CCNA1: variants seen among roughly 807,000 people sequenced by gnomAD.
The protein encoded by CCNA1 is cyclin A1.
A neutral mutation model predicts 54.1 loss-of-function variants in CCNA1; 23 were observed. The ratio of observed to expected loss-of-function variants is 0.42; its 90% CI spans 0.31 to 0.60. The LOEUF is 0.60. CCNA1 is among the 20% of genes least tolerant of loss of function. The pLI, the probability that CCNA1 is intolerant of heterozygous loss-of-function variation, is 0.14. For missense variants in CCNA1, 450 were observed against 556.7 expected (o/e 0.81, Z 1.93); for synonymous variants, 208 against 213.9 (o/e 0.97, Z 0.24).
In CCNA1 at chr13:36,433,193, A is replaced by G. The variant is rs2055738576; in HGVS notation, c.269A>G (p.Asn90Ser). Residue 90 changes from asparagine (N) to serine (S), a missense_variant, in exon 2 of 9, where the codon AAT (asparagine) becomes AGT (serine). Transcript: ENST00000255465. The stretch of plus-strand genomic sequence containing the variant: ...ACAGTGCTAGGGCTGCTAACTGCAA[A>G]TGGGCAGTACAGGAGGACCTGTGGC... 1.2e-6 allele frequency: 2 copies of G among 1,613,770 alleles called. No homozygotes were observed. Among genetic ancestry groups the G allele is most frequent in the African/African-American group, 1.3e-5 (1 of 74,926 alleles).
chr13:36,438,093 C>G lies in CCNA1; in HGVS notation c.571C>G (p.Leu191Val), dbSNP rs992957639. ...TTCCCCTATGCTGGTAGATTCATCT[C>G]TCCTCTCCCAGTCTGAAGATATATC... Residue 191 changes from leucine (L) to valine (V), a missense_variant, in exon 4 of 9, where the codon CTC becomes GTC. By Grantham distance (32) the Leu-to-Val change is conservative (BLOSUM62 1). Coordinates refer to ENST00000255465, the MANE Select transcript of CCNA1 (RefSeq NM_003914.4). 24 of 1,613,096 alleles carry G rather than the reference C, an allele frequency of 1.5e-5. No homozygotes were observed. Among genetic ancestry groups the G allele is most frequent in the African/African-American group, 9.3e-5 (7 of 74,902 alleles).
At chr13:36,432,770 A>C (rs1593318440) in intron 1 of CCNA1, 41 bp downstream of exon 1, 1 of 1,299,240 alleles carries the variant, frequency 7.7e-7, no homozygotes, top group Non-Finnish European at 1.1e-6. Flanking sequence ...GCTTGTCAGA[A>C]TGTTTCTCTC....
intron 2 of CCNA1, among the ~76,000 whole-genome samples, chr13:36,434,482 A>G (rs954579524): frequency 1.3e-5 from 2 of 152,180 alleles, no homozygotes; most frequent in African/African-American, 4.8e-5. Flanking sequence ...TTTAAAACTT[A>G]ACGCCTGAGA....
At chr13:36,442,360 A>G (rs2055886066) in intron 8 of CCNA1, 56 bp downstream of exon 8, 1 of 1,555,874 alleles carries the variant, frequency 6.4e-7, no homozygotes, top group Non-Finnish European at 8.8e-7. Flanking sequence ...AATGGGTTAT[A>G]GTAATGGTTA....
Position 36,439,999 on chromosome 13 carries a change from C to T in CCNA1, c.914C>T (p.Pro305Leu), listed in dbSNP as rs755444964. 1.2e-6 allele frequency: 2 copies of T among 1,610,744 alleles called. No individual in the cohort carries two copies. The highest frequency in any genetic ancestry group is 4.5e-5 in the East Asian group (2 of 44,872). The change falls in exon 6 of 9, where the codon CCT (proline) becomes CTT (leucine). Residue 305 changes from proline (P) to leucine (L), a missense_variant. Around this residue, in one of 6 missense-constraint regions of CCNA1, gnomAD observed 150 missense variants for 219.7 expected, o/e 0.68. Transcript: ENST00000255465. Reference sequence around the variant, plus strand: ...CCCAGGAAATATGAAGAGATATATCCTCCTGAAGTAGACGAGTTTGTCTAT... The same window carrying T: ...CCCAGGAAATATGAAGAGATATATCTTCCTGAAGTAGACGAGTTTGTCTAT...
chr13:36,440,186 G>A lies in CCNA1; in HGVS notation c.1098+3G>A. On this transcript the variant is annotated splice_donor_region_variant and intron_variant, in intron 6 of 8. Transcript: ENST00000255465. ...TCAGGACTGAGAACCTGGCTAAGGT[G>A]TGTATGCCGCGTGATTTCTAGGAAC... 6.2e-7 allele frequency: 1 copy of A among 1,612,890 alleles called. No homozygotes were observed. The highest frequency in any genetic ancestry group is 8.5e-7 in the Non-Finnish European group (1 of 1,179,020).
chr13:36,433,364 G>T (rs9576049), intron 2 of CCNA1, 143 bp downstream of exon 2: 239,172 of 372,822 alleles, frequency 0.64, 81,982 homozygotes, highest in East Asian at 0.92. Context: ...AAAGTTGATT[G>T]ATTTATTTTC....
rs890130631 is a variant in CCNA1 at position 36,442,166 on chromosome 13, A to G, written c.1213-5A>G. 13 of 1,607,408 alleles carry G rather than the reference A, an allele frequency of 8.1e-6. No individual in the cohort carries two copies. The highest frequency in any genetic ancestry group is 1.0e-5 in the Non-Finnish European group (12 of 1,176,102). ...GAAGCAATTTTTTTCTTTTGTCTTGATTAGCCAGAAACCCTTGCTGCATTT... is the reference window on the plus strand; with the variant it reads ...GAAGCAATTTTTTTCTTTTGTCTTGGTTAGCCAGAAACCCTTGCTGCATTT... On this transcript the variant is annotated splice_region_variant and splice_polypyrimidine_tract_variant and intron_variant, in intron 7 of 8. Coordinates refer to ENST00000255465, the MANE Select transcript of CCNA1 (RefSeq NM_003914.4).
chr13:36,438,550 A>T lies in CCNA1; in HGVS notation c.670-94A>T. Reference sequence around the variant, plus strand: ...TTTGGCTCTGATCAGAATCTTTCCAACCTTTGCTTGTGAGATTTTTAAATA... The same window carrying T: ...TTTGGCTCTGATCAGAATCTTTCCATCCTTTGCTTGTGAGATTTTTAAATA... On this transcript the variant is annotated intron_variant, in intron 4 of 8. Transcript: ENST00000255465. The T allele has an allele frequency of 5.8e-6, 5 of 866,918 alleles. No homozygotes were observed. The South Asian group carries it at 6.6e-5, about 11-fold the overall frequency. The allele number at this position is 866,918 out of a possible 1,614,324, so 53.7% of individuals were successfully genotyped here. A position where few individuals can be genotyped will look rare whatever the true frequency, so the allele number is the denominator to read the frequency against.
intron 2 of CCNA1, among the ~76,000 whole-genome samples, chr13:36,433,435 T>G (rs367932400): frequency 0.027 from 2,166 of 81,182 alleles, 137 homozygotes; most frequent in African/African-American, 0.085. Context: ...TCTTTCTTTC[T>G]TTCTTTCGTT....
chr13:36,436,248 A>AAAAC (rs1171154520), intron 2 of CCNA1, among the ~76,000 whole-genome samples: 4 of 152,214 alleles, frequency 2.6e-5, no homozygotes, highest in African/African-American at 9.6e-5. Context: ...CAAGTGAACA[A>AAAAC]AAACAAAATA....
Position 36,442,845 on chromosome 13 carries a change from T to A in CCNA1, c.*180T>A. ...GTTTGTAATATAGTCCAACATTTTTTAAACAATAAACTGCTTGTCTTATGA... is the reference window on the plus strand; with the variant it reads ...GTTTGTAATATAGTCCAACATTTTTAAAACAATAAACTGCTTGTCTTATGA... On this transcript the variant is annotated 3_prime_UTR_variant, in exon 9 of 9. Coordinates refer to ENST00000255465, the MANE Select transcript of CCNA1 (RefSeq NM_003914.4). 1 of 585,834 alleles carries A rather than the reference T, an allele frequency of 1.7e-6. No individual in the cohort carries two copies. The highest frequency in any genetic ancestry group is 3.0e-6 in the Non-Finnish European group (1 of 330,598). 36.3% of individuals were successfully genotyped at this position (585,834 alleles called of 1,614,324 possible).
In CCNA1 at chr13:36,442,687, C is replaced by T. The variant is rs370199906; in HGVS notation, c.*22C>T. 4.0e-5 allele frequency: 64 copies of T among 1,605,244 alleles called. No individual in the cohort carries two copies. The highest frequency in any genetic ancestry group is 1.2e-4 in the Admixed American group (7 of 59,864). On this transcript the variant is annotated 3_prime_UTR_variant, in exon 9 of 9. Transcript: ENST00000255465. ...ATAAGTTTCTGAATGGAAGCACTTC[C>T]AGAACTTCACCTCCATATCAGAAGT... is the stretch of plus-strand genomic sequence containing the variant.
chr13:36,433,919 A>G, intron 2 of CCNA1, among the ~76,000 whole-genome samples: 1 of 152,078 alleles, frequency 6.6e-6, no homozygotes, highest in Non-Finnish European at 1.5e-5. Context: ...TATTTTTTCC[A>G]CTATCAAGGA....
intron 4 of CCNA1, among the ~76,000 whole-genome samples, 178 bp from the exon 5 acceptor site, chr13:36,438,466 A>G (rs113593136): frequency 6.6e-6 from 1 of 152,038 alleles, no homozygotes; most frequent in Non-Finnish European, 1.5e-5. Flanking sequence ...TAATTTGCTA[A>G]CCAATTACTT....
chr13:36,441,893 G>T (rs1374186189), intron 7 of CCNA1, among the ~76,000 whole-genome samples: 1 of 152,012 alleles, frequency 6.6e-6, no homozygotes, highest in African/African-American at 2.4e-5. Context: ...GGCAAGCAGG[G>T]CTCTATAAGG....
Position 36,433,024 on chromosome 13 carries a change from C to T in CCNA1, c.109-9C>T. Reference sequence around the variant, plus strand: ...CTAAACAGCTTGTCTGTTTCTCTTTCCCTGGTAGCAGCAGCCCGTGGAGTC... The same window carrying T: ...CTAAACAGCTTGTCTGTTTCTCTTTTCCTGGTAGCAGCAGCCCGTGGAGTC... On this transcript the variant is annotated splice_polypyrimidine_tract_variant and intron_variant, in intron 1 of 8. Coordinates refer to ENST00000255465, the MANE Select transcript of CCNA1 (RefSeq NM_003914.4). The T allele has an allele frequency of 6.2e-7, 1 of 1,608,820 alleles. No individual in the cohort carries two copies. Among genetic ancestry groups the T allele is most frequent in the Middle Eastern group, 1.7e-4 (1 of 5,790 alleles).
Position 36,433,018 on chromosome 13 carries a change from C to T in CCNA1, c.109-15C>T. The T allele has an allele frequency of 1.9e-6, 3 of 1,606,914 alleles. No homozygotes were observed. Among genetic ancestry groups the T allele is most frequent in the East Asian group, 4.5e-5 (2 of 44,844 alleles). ...AATCGACTAAACAGCTTGTCTGTTT[C>T]TCTTTCCCTGGTAGCAGCAGCCCGT... On this transcript the variant is annotated splice_polypyrimidine_tract_variant and intron_variant, in intron 1 of 8. Transcript: ENST00000255465.
Position 36,435,828 on chromosome 13 carries a change from C to T in CCNA1, c.298-1801C>T, listed in dbSNP as rs115260379. On this transcript the variant is annotated intron_variant, in intron 2 of 8. Transcript: ENST00000255465. ...GTCATATAATAAGCAACGTATAAAA[C>T]GAAACACCCATCCTTTTCCCTACTC... 3.1e-3 allele frequency among the ~76,000 whole-genome samples: 473 copies of T among 152,240 alleles called. 3 individuals carry two copies. Among genetic ancestry groups the T allele is most frequent in the African/African-American group, 0.011 (448 of 41,554 alleles).
Sources: gnomAD v4.1 joint callset for allele counts (sites outside exome capture counted in the v4.1 genomes callset) on GRCh38, gnomAD v4.1.1 for gene constraint, gnomAD v4.1.1 regional missense constraint, MANE v1.5 for transcripts, NCBI Gene and HGNC (gene_info 2026-07-23, HGNC 2026-07-21) for gene names.